Variants in ARID1B observed in about 807,000 individuals in gnomAD.
ARID1B encodes the protein AT-rich interaction domain 1B.
Under a neutral mutation model 212.3 loss-of-function variants are expected in ARID1B, and 30 were observed. The observed-to-expected ratio is 0.14, with a 90% CI of 0.11 to 0.19. The LOEUF (loss-of-function observed/expected upper bound fraction) is 0.19, where lower values mean the gene tolerates loss of function less well. Among genes scored for constraint, ARID1B ranks in the 10% least tolerant of loss-of-function variants. The pLI, the probability that ARID1B is intolerant of heterozygous loss-of-function variation, is 1.00. For missense variants in ARID1B, 2,891 were observed against 3,204.0 expected, an observed-to-expected ratio of 0.90 and a Z score of 2.36; for synonymous variants, 1,402 against 1,301.7, an observed-to-expected ratio of 1.08 and a Z score of -1.66.
rs1562343302 is a variant in ARID1B, at chr6:157,198,895, C to T, written c.4467C>T (p.Tyr1489=). ...PPYGGHQPGL[Y]PQQPNYKRHM... Reference sequence around the variant, plus strand: ...ATGGAGGGCACCAGCCCGGCCTGTACCCACAGCAGCCGGTGAGTTGGCAAG... The same window carrying T: ...ATGGAGGGCACCAGCCCGGCCTGTATCCACAGCAGCCGGTGAGTTGGCAAG... Residue 1489 remains tyrosine, a synonymous_variant, in exon 17 of 20, where the codon TAC becomes TAT. Coordinates refer to ENST00000636930, the MANE Select transcript of ARID1B (RefSeq NM_001374828.1). 1.9e-6 allele frequency: 3 copies of T among 1,601,914 alleles called. No individual in the cohort carries two copies. The highest frequency in any genetic ancestry group is 1.7e-6 in the Non-Finnish European group (2 of 1,173,764).
intron 4 of ARID1B, among the ~76,000 whole-genome samples, chr6:156,973,525 A>T (rs1287714724): frequency 6.6e-6 from 1 of 152,232 alleles, no homozygotes; most frequent in Non-Finnish European, 1.5e-5. Flanking sequence ...ACTGCTATGC[A>T]ATGAAAAACA....
chr6:157,154,776 T>G (rs1790468057), intron 8 of ARID1B, among the ~76,000 whole-genome samples: 2 of 152,024 alleles, frequency 1.3e-5, no homozygotes, highest in East Asian at 3.9e-4. Context: ...AGAGACGGGC[T>G]TTCACCAATT....
chr6:156,962,572 T>A (rs1029640815), intron 4 of ARID1B, among the ~76,000 whole-genome samples: 4 of 151,938 alleles, frequency 2.6e-5, no homozygotes, highest in Non-Finnish European at 5.9e-5. Flanking sequence ...GCTCACCGCT[T>A]CCCGGGCTAA....
intron 4 of ARID1B, among the ~76,000 whole-genome samples, chr6:157,040,691 C>G (rs1781829114): frequency 6.6e-6 from 1 of 152,164 alleles, no homozygotes; most frequent in African/African-American, 2.4e-5. Flanking sequence ...TGCAGTCTCG[C>G]AAAACTATCA....
intron 2 of ARID1B, among the ~76,000 whole-genome samples, chr6:156,877,960 C>A (rs1786697418): frequency 6.6e-6 from 1 of 152,072 alleles, no homozygotes; most frequent in African/African-American, 2.4e-5. Context: ...AAGTAATCCA[C>A]CTGCCTCAGC....
At chr6:157,045,963 C>T (rs919617688) in intron 4 of ARID1B, among the ~76,000 whole-genome samples, 4 of 152,104 alleles carry the variant, frequency 2.6e-5, no homozygotes, top group South Asian at 2.1e-4. Context: ...CAAGTTCTCC[C>T]GGATGTGGGA....
At chr6:157,062,260 C>A (rs552492293) in intron 4 of ARID1B, among the ~76,000 whole-genome samples, 1 of 151,536 alleles carries the variant, frequency 6.6e-6, no homozygotes, top group Non-Finnish European at 1.5e-5. Flanking sequence ...AGTACAGTGG[C>A]GCCATAGCTC....
intron 1 of ARID1B, among the ~76,000 whole-genome samples, chr6:156,819,847 C>G (rs896408400): frequency 9.2e-5 from 14 of 152,164 alleles, no homozygotes; most frequent in African/African-American, 3.4e-4. Flanking sequence ...GAGAACAGAG[C>G]TCATTCTAGG....
At chr6:157,174,237 C>T in intron 10 of ARID1B, 120 bp downstream of exon 10, 1 of 752,956 alleles carries the variant, frequency 1.3e-6, no homozygotes, top group Non-Finnish European at 2.3e-6. Flanking sequence ...TGCATGCCTT[C>T]ATTTTGTGCA....
At chr6:157,177,355 C>T (rs1792164509) in intron 11 of ARID1B, among the ~76,000 whole-genome samples, 1 of 152,186 alleles carries the variant, frequency 6.6e-6, no homozygotes, top group Non-Finnish European at 1.5e-5. Flanking sequence ...TCTCTGCTAT[C>T]AAATCACTGC....
chr6:157,051,554 T>G (rs1050281049), intron 4 of ARID1B, among the ~76,000 whole-genome samples: 1 of 152,238 alleles, frequency 6.6e-6, no homozygotes. Flanking sequence ...CTCTGTACTT[T>G]AGGTTATACT....
rs532432548 is a variant in ARID1B, at chr6:157,059,067, G to GT, written c.2248-25583dup. Reference sequence around the variant, plus strand: ...ACTTCAGCTTGGAAATTGTGTTTTTGTTTTTTTTTTTTGATAAAAATATAT... The same window carrying GT: ...ACTTCAGCTTGGAAATTGTGTTTTTGTTTTTTTTTTTTTGATAAAAATATAT... On this transcript the variant is annotated intron_variant, in intron 4 of 19. Coordinates refer to ENST00000636930, the MANE Select transcript of ARID1B (RefSeq NM_001374828.1). Among the ~76,000 whole-genome samples, 957 of 140,402 alleles carry GT rather than the reference G, an allele frequency of 6.8e-3. 10 individuals are homozygous for GT. Among genetic ancestry groups the GT allele is most frequent in the African/African-American group, 0.013 (514 of 38,550 alleles). 92.1% of individuals were successfully genotyped at this position (140,402 alleles called of 152,430 possible). A position where few individuals can be genotyped will look rare whatever the true frequency, so the allele number is the denominator to read the frequency against.
At chr6:157,186,417 C>T (rs371857613) in intron 13 of ARID1B, 17 of 471,074 alleles carry the variant, frequency 3.6e-5, no homozygotes, top group East Asian at 2.1e-4. Context: ...CTCCTGGTCT[C>T]GTCCAGCCCC....
chr6:156,922,585 G>A (rs1790898568), intron 3 of ARID1B, among the ~76,000 whole-genome samples: 1 of 152,158 alleles, frequency 6.6e-6, no homozygotes, highest in East Asian at 1.9e-4. Flanking sequence ...TTGTGTTTCA[G>A]TTATTTAGAA....
chr6:156,988,779 T>C (rs923330710), intron 4 of ARID1B, among the ~76,000 whole-genome samples: 1 of 152,192 alleles, frequency 6.6e-6, no homozygotes, highest in Non-Finnish European at 1.5e-5. Flanking sequence ...GGGAGGGACA[T>C]TGGTGCGTTT....
chr6:156,782,130 G>A (rs1779326080), intron 1 of ARID1B, among the ~76,000 whole-genome samples: 1 of 150,962 alleles, frequency 6.6e-6, no homozygotes, highest in South Asian at 2.1e-4. Context: ...TTGGAAGTTA[G>A]TATTATTTAG....
intron 1 of ARID1B, among the ~76,000 whole-genome samples, chr6:156,788,917 T>G (rs932128345): frequency 6.6e-6 from 1 of 152,196 alleles, no homozygotes; most frequent in East Asian, 1.9e-4. Context: ...AGATGACATA[T>G]GATCCTTAAT....
Position 156,981,134 on chromosome 6 carries a change from G to C in ARID1B, c.2247+45558G>C, listed in dbSNP as rs1391500049. ...CCTTGTCTACTTCTGAGGGTGAGCA[G>C]TGCTGGTGTGACTGTTAGAAAGCAC... On this transcript the variant is annotated intron_variant, in intron 4 of 19. Transcript: ENST00000636930. 3.9e-5 allele frequency among the ~76,000 whole-genome samples: 6 copies of C among 152,322 alleles called. No homozygotes were observed. In the East Asian group the frequency reaches 9.6e-4, roughly 24 times the overall value.
intron 11 of ARID1B, chr6:157,175,860 A>G (rs1014925750): frequency 4.6e-5 from 7 of 151,732 alleles, no homozygotes; most frequent in Admixed American, 2.0e-4. Flanking sequence ...GAATCAAAAG[A>G]TCTTAAAAAA....
Sources: allele counts gnomAD v4.1 joint callset (sites outside exome capture counted in the v4.1 genomes callset), GRCh38; gene constraint gnomAD v4.1.1; transcripts MANE v1.5; gene names NCBI Gene and HGNC (gene_info 2026-07-23, HGNC 2026-07-21).